The following CNOT10 variants were observed in gnomAD, a reference collection of about 807,000 sequenced individuals.
CNOT10 encodes the protein CCR4-NOT transcription complex subunit 10, also known as CCR4-NOT transcription complex, subunit 10.
A neutral mutation model predicts 94.6 loss-of-function variants in CNOT10; 30 were observed. The observed-to-expected ratio is 0.32, with a 90% CI of 0.24 to 0.43. CNOT10 has a LOEUF of 0.43. Among genes scored for constraint, CNOT10 ranks in the 20% least tolerant of loss-of-function variants. CNOT10 has a pLI of 1.00. For synonymous variants in CNOT10, 289 were observed against 301.6 expected, an observed-to-expected ratio of 0.96 and a Z score of 0.43; for missense variants, 759 against 877.2, an observed-to-expected ratio of 0.87 and a Z score of 1.70.
At chr3:32,735,658 G>A (rs140442840) in intron 12 of CNOT10, among the ~76,000 whole-genome samples, 4,582 of 152,202 alleles carry the variant, frequency 0.03, 121 homozygotes, top group African/African-American at 0.066. Context: ...AGTGAGCCAC[G>A]ATCATGCCAC....
intron 13 of CNOT10, among the ~76,000 whole-genome samples, chr3:32,741,540 C>T (rs913012242): frequency 1.3e-5 from 2 of 151,986 alleles, no homozygotes; most frequent in African/African-American, 2.4e-5. Context: ...GCGGCCGAGG[C>T]GAGCGGATCA....
intron 17 of CNOT10, among the ~76,000 whole-genome samples, chr3:32,767,245 G>C (rs1341541348): frequency 6.6e-6 from 1 of 152,102 alleles, no homozygotes; most frequent in African/African-American, 2.4e-5. Flanking sequence ...TCAGCCGGGC[G>C]CAGTGGCTCA....
In CNOT10 at chr3:32,716,003, T is replaced by G. The variant is rs1201181200; in HGVS notation, c.574-222T>G. ...TGTATTTTTTGTAGAGATGCGATTT[T>G]GCCATGTTACTCAAGCTGGTCTCGA... is the stretch of plus-strand genomic sequence containing the variant. On this transcript the variant is annotated intron_variant, in intron 5 of 18. Coordinates refer to ENST00000328834, the MANE Select transcript of CNOT10 (RefSeq NM_015442.3). 1.1e-5 allele frequency: 4 copies of G among 374,788 alleles called. No individual in the cohort carries two copies. The East Asian group carries it at 1.7e-4, about 16-fold the overall frequency. The allele number at this position is 374,788 out of a possible 1,614,324, so 23.2% of individuals were successfully genotyped here. A position where few individuals can be genotyped will look rare whatever the true frequency, so the allele number is the denominator to read the frequency against.
chr3:32,746,432 C>A (rs1406684090), intron 13 of CNOT10, among the ~76,000 whole-genome samples: 1 of 152,170 alleles, frequency 6.6e-6, no homozygotes, highest in Non-Finnish European at 1.5e-5. Context: ...TGTTTTCCTA[C>A]AACTAGATGG....
At chr3:32,705,700 T>C (rs930854161) in intron 3 of CNOT10, among the ~76,000 whole-genome samples, 2 of 152,168 alleles carry the variant, frequency 1.3e-5, no homozygotes, top group African/African-American at 4.8e-5. Context: ...CAGTTGTATT[T>C]AACTCTATAG....
chr3:32,688,775 TATC>T (rs986065949), intron 1 of CNOT10, among the ~76,000 whole-genome samples: 7 of 151,508 alleles, frequency 4.6e-5, no homozygotes, highest in Non-Finnish European at 1.0e-4. Flanking sequence ...AAAAGCCAGA[TATC>T]ATGGTGTGTG....
chr3:32,726,558 T>C (rs1367666385), intron 9 of CNOT10, among the ~76,000 whole-genome samples: 2 of 151,584 alleles, frequency 1.3e-5, no homozygotes, highest in Non-Finnish European at 2.9e-5. Flanking sequence ...TAGCCGAGCA[T>C]GGTGGCAGGC....
At chr3:32,732,145 C>G (rs868404891) in intron 10 of CNOT10, among the ~76,000 whole-genome samples, 3 of 151,640 alleles carry the variant, frequency 2.0e-5, no homozygotes, top group Non-Finnish European at 2.9e-5. Context: ...AATCTCAGTA[C>G]TTTGGGAGGC....
intron 13 of CNOT10, among the ~76,000 whole-genome samples, chr3:32,739,719 G>A (rs1038135280): frequency 2.6e-5 from 4 of 152,082 alleles, no homozygotes; most frequent in African/African-American, 9.7e-5. Flanking sequence ...GAGGTCAGGA[G>A]TTCGAGATCA....
At chr3:32,695,966 AGAGTGTGTGTGT>A (rs200103208) in intron 1 of CNOT10, 9,308 of 613,634 alleles carry the variant, frequency 0.015, 83 homozygotes, top group East Asian at 0.038. Context: ...CCTGTTGAAG[AGAGTGTGTGTGT>A]GTGTGTGTGT....
At chr3:32,689,624 T>C (rs1363105369) in intron 1 of CNOT10, among the ~76,000 whole-genome samples, 1 of 152,158 alleles carries the variant, frequency 6.6e-6, no homozygotes, top group Non-Finnish European at 1.5e-5. Flanking sequence ...TCTGTGTTAG[T>C]TGTGTTCTAG....
chr3:32,768,594 A>T (rs78972920), intron 17 of CNOT10, among the ~76,000 whole-genome samples: 1 of 152,070 alleles, frequency 6.6e-6, no homozygotes, highest in South Asian at 2.1e-4. Flanking sequence ...AAAAAAAAAA[A>T]ATCCACAAAA....
intron 10 of CNOT10, among the ~76,000 whole-genome samples, chr3:32,731,724 G>A (rs1471781231): frequency 3.9e-5 from 6 of 152,024 alleles, no homozygotes; most frequent in South Asian, 2.1e-4. Context: ...CGATCCACCC[G>A]CCTCAGCCTC....
chr3:32,757,941 T>G (rs781453742), intron 13 of CNOT10, among the ~76,000 whole-genome samples: 1 of 152,258 alleles, frequency 6.6e-6, no homozygotes, highest in Non-Finnish European at 1.5e-5. Flanking sequence ...TATAAACTTA[T>G]GTTTGGATTA....
At chr3:32,702,517 G>T (rs535417116) in intron 1 of CNOT10, among the ~76,000 whole-genome samples, 2 of 152,262 alleles carry the variant, frequency 1.3e-5, no homozygotes, top group African/African-American at 2.4e-5. Context: ...ACATATTAAA[G>T]AAACTTTTTA....
intron 4 of CNOT10, among the ~76,000 whole-genome samples, chr3:32,711,434 A>AGATGCAACAT (rs1697886833): frequency 6.6e-6 from 1 of 152,318 alleles, no homozygotes; most frequent in South Asian, 2.1e-4. Context: ...GTACATATTC[A>AGATGCAACAT]GTGCAGATGC....
At chr3:32,744,509 TCTAA>T (rs1285316353) in intron 13 of CNOT10, among the ~76,000 whole-genome samples, 5 of 152,210 alleles carry the variant, frequency 3.3e-5, no homozygotes, top group Non-Finnish European at 7.3e-5. Context: ...AAAATTTCAT[TCTAA>T]CCAATTTACC....
chr3:32,734,615 C>T (rs1699098067), intron 11 of CNOT10, among the ~76,000 whole-genome samples, 185 bp from the exon 12 acceptor site: 1 of 152,092 alleles, frequency 6.6e-6, no homozygotes. Flanking sequence ...ATTATTTATA[C>T]TATTTACAAC....
At chr3:32,753,920 A>T (rs530949126) in intron 13 of CNOT10, 209 of 865,374 alleles carry the variant, frequency 2.4e-4, no homozygotes, top group Admixed American at 3.9e-4. Flanking sequence ...ATTTGCTCTC[A>T]CACACACACA....
Sources: gnomAD v4.1 joint callset for allele counts (sites outside exome capture counted in the v4.1 genomes callset) on GRCh38, gnomAD v4.1.1 for gene constraint, MANE v1.5 for transcripts, NCBI Gene and HGNC (gene_info 2026-07-23, HGNC 2026-07-21) for gene names.